The following FBLN2 variants were observed in gnomAD, a reference collection of about 807,000 sequenced individuals.
FBLN2 encodes fibulin 2.
Under a neutral mutation model 123.7 loss-of-function variants are expected in FBLN2, and 81 were observed. The observed-to-expected ratio is 0.65, with a 90% CI of 0.55 to 0.79. The LOEUF is 0.79. Among genes scored for constraint, FBLN2 ranks in the 30% least tolerant of loss-of-function variants. FBLN2 has a pLI of 0.00. For synonymous variants in FBLN2, 699 were observed against 701.4 expected (o/e 1.00, Z 0.05); for missense variants, 1,603 against 1,681.3 (o/e 0.95, Z 0.81).
At chr3:13,587,136 C>T (rs1704533366) in intron 2 of FBLN2, among the ~76,000 whole-genome samples, 1 of 135,496 alleles carries the variant, frequency 7.4e-6, no homozygotes. Context: ...CACAGCGAGA[C>T]TCCGTCTCAA....
Position 13,570,898 on chromosome 3 carries a change from C to T in FBLN2, c.543C>T (p.Phe181=), listed in dbSNP as rs555727680. 5 of 1,612,646 alleles carry T rather than the reference C, an allele frequency of 3.1e-6. No homozygotes were observed. In the African/African-American group the frequency reaches 6.7e-5, roughly 21 times the overall value. Residue 181 remains phenylalanine, a synonymous_variant, in exon 2 of 18, where the codon TTC becomes TTT. Coordinates refer to ENST00000404922, the MANE Select transcript of FBLN2 (RefSeq NM_001004019.2). ...AGCTCCCCGGTTGCCACGGGAACTT[C>T]TCAGATGCCGAGGAGGGTGACCCCG... The part of the protein sequence containing the change: ...CYQLPGCHGN[F]SDAEEGDPER...
chr3:13,568,546 T>C (rs13064439), intron 1 of FBLN2, among the ~76,000 whole-genome samples: 102,968 of 151,764 alleles, frequency 0.68, 35,459 homozygotes, highest in East Asian at 0.9. Context: ...CCCGTTGCTC[T>C]GCAGTTACCA....
chr3:13,565,766 G>T lies in FBLN2; in HGVS notation c.-41-4549G>T, dbSNP rs1052325471. Among the ~76,000 whole-genome samples, 8 of 152,320 alleles carry T rather than the reference G, an allele frequency of 5.3e-5. No individual in the cohort carries two copies. In the South Asian group the frequency reaches 1.2e-3, roughly 24 times the overall value. ...CACCTGCCAACCTTTCCTGTCCCCA[G>T]ATGGCAGCCCGGTGACCACCAGGGG... On this transcript the variant is annotated intron_variant, in intron 1 of 17. Transcript: ENST00000404922.
chr3:13,592,926 G>C (rs978743387), intron 2 of FBLN2, among the ~76,000 whole-genome samples: 1 of 152,186 alleles, frequency 6.6e-6, no homozygotes, highest in African/African-American at 2.4e-5. Context: ...GCTCAGCTGG[G>C]AGATAGCTGG....
intron 4 of FBLN2, among the ~76,000 whole-genome samples, chr3:13,611,868 C>T (rs1253848653): frequency 6.6e-6 from 1 of 152,286 alleles, no homozygotes; most frequent in East Asian, 1.9e-4. Flanking sequence ...TGTCTTTATT[C>T]TGGGAGGTCA....
At chr3:13,552,118 G>T (rs60834785) in intron 1 of FBLN2, among the ~76,000 whole-genome samples, 2,882 of 152,254 alleles carry the variant, frequency 0.019, 67 homozygotes, top group African/African-American at 0.051. Context: ...GGTGTGATGA[G>T]GAGCTGCTGG....
intron 13 of FBLN2, 45 bp downstream of exon 13, chr3:13,629,337 T>G (rs4684969): frequency 0.67 from 1,047,140 of 1,553,114 alleles, 357,537 homozygotes; most frequent in East Asian, 0.99. Flanking sequence ...ACCTGGCTGG[T>G]CCCCTGCCCT....
rs141733462 is a variant in FBLN2 at position 13,583,060 on chromosome 3, G to A, written c.1306+11399G>A. Among the ~76,000 whole-genome samples, 227 of 152,300 alleles carry A rather than the reference G, an allele frequency of 1.5e-3. 3 individuals carry two copies. The highest frequency in any genetic ancestry group is 1.9e-3 in the Non-Finnish European group (132 of 68,012). ...CCCTCCCATGCTGCACTCTTGTTTC[G>A]GCCCCTGCCAACTGCGTCAGCAAAC... is the stretch of plus-strand genomic sequence containing the variant. On this transcript the variant is annotated intron_variant, in intron 2 of 17. Coordinates refer to ENST00000404922, the MANE Select transcript of FBLN2 (RefSeq NM_001004019.2).
intron 1 of FBLN2, among the ~76,000 whole-genome samples, chr3:13,554,654 T>C (rs148879631): frequency 6.7e-6 from 1 of 150,176 alleles, no homozygotes; most frequent in Non-Finnish European, 1.5e-5. Context: ...TCATCTCTGC[T>C]CCCCTGCATG....
At chr3:13,595,009 C>T (rs193115479) in intron 2 of FBLN2, among the ~76,000 whole-genome samples, 2 of 152,316 alleles carry the variant, frequency 1.3e-5, no homozygotes, top group South Asian at 2.1e-4. Flanking sequence ...GCGGCTGCCC[C>T]GGCTGGGTGT....
chr3:13,555,093 C>T (rs1459093430), intron 1 of FBLN2, among the ~76,000 whole-genome samples: 1 of 151,916 alleles, frequency 6.6e-6, no homozygotes, highest in Non-Finnish European at 1.5e-5. Flanking sequence ...GCTGGGACTA[C>T]AGGTGCGTGC....
At chr3:13,607,341 G>A (rs6773032) in intron 2 of FBLN2, among the ~76,000 whole-genome samples, 88,426 of 151,936 alleles carry the variant, frequency 0.58, 26,357 homozygotes, top group African/African-American at 0.71. Context: ...TAAGAAAATC[G>A]TAAGAGAAAA....
intron 2 of FBLN2, among the ~76,000 whole-genome samples, chr3:13,586,553 A>G (rs1704509185): frequency 6.8e-6 from 1 of 147,172 alleles, no homozygotes; most frequent in Non-Finnish European, 1.5e-5. Flanking sequence ...GCTGGAGTGC[A>G]GTGGCGTGAT....
intron 2 of FBLN2, among the ~76,000 whole-genome samples, chr3:13,595,416 G>A (rs1414389342): frequency 2.0e-5 from 3 of 152,118 alleles, no homozygotes; most frequent in Non-Finnish European, 2.9e-5. Flanking sequence ...CTGTGATCCC[G>A]GGGAGGAAGG....
chr3:13,616,868 T>C (rs1705625912), intron 5 of FBLN2, among the ~76,000 whole-genome samples: 1 of 152,196 alleles, frequency 6.6e-6, no homozygotes, highest in Admixed American at 6.5e-5. Context: ...GGCCTAGTGC[T>C]GCCCAAGTTG....
rs559168695 is a variant in FBLN2, at chr3:13,638,075, G to A, written c.*156G>A. 393 of 731,620 alleles carry A rather than the reference G, an allele frequency of 5.4e-4. No individual in the cohort carries two copies. Among genetic ancestry groups the A allele is most frequent in the Non-Finnish European group, 7.7e-4 (341 of 443,330 alleles). The allele number at this position is 731,620 out of a possible 1,614,324, so 45.3% of individuals were successfully genotyped here. On this transcript the variant is annotated 3_prime_UTR_variant, in exon 18 of 18. Coordinates refer to ENST00000404922, the MANE Select transcript of FBLN2 (RefSeq NM_001004019.2). The stretch of plus-strand genomic sequence containing the variant: ...GGCTTCTGGACCCCTCCTCTGCCCC[G>A]CAGGAGGAAGTTCCACGGCAGGTGG...
Position 13,571,364 on chromosome 3 carries a change from G to A in FBLN2, c.1009G>A (p.Glu337Lys). The A allele has an allele frequency of 6.2e-7, 1 of 1,612,498 alleles. No individual in the cohort carries two copies. The highest frequency in any genetic ancestry group is 1.1e-5 in the South Asian group (1 of 90,604). Residue 337 changes from glutamate (E) to lysine (K), a missense_variant, in exon 2 of 18, where the codon GAA (glutamate) becomes AAA (lysine). Transcript: ENST00000404922. ...GARAEAGARP[E>K]ENLILDAQAT... ...AAGGGCAGAAGCTGGGGCAAGGCCT[G>A]AAGAGAACCTCATCCTGGATGCCCA... is the stretch of plus-strand genomic sequence containing the variant.
rs753101160 is a variant in FBLN2, at chr3:13,608,150, T to A, written c.1395T>A (p.Ser465Arg). The A allele has an allele frequency of 1.9e-6, 3 of 1,593,276 alleles. No homozygotes were observed. The highest frequency in any genetic ancestry group is 1.7e-6 in the Non-Finnish European group (2 of 1,170,118). Residue 465 changes from serine (S) to arginine (R), a missense_variant, in exon 3 of 18, where the codon AGT becomes AGA. Transcript: ENST00000404922. ...DNDECLEIPE[S>R]GTEDNVCRTA... ...ACGAGTGCCTGGAGATCCCTGAGAG[T>A]GGCACTGAGGACAACGTCTGCAGGT... is the stretch of plus-strand genomic sequence containing the variant.
chr3:13,586,427 C>T (rs2124848439), intron 2 of FBLN2, among the ~76,000 whole-genome samples: 1 of 151,780 alleles, frequency 6.6e-6, no homozygotes, highest in Non-Finnish European at 1.5e-5. Context: ...TCGTGATCCG[C>T]CTGCCTAGGC....
Sources: allele counts gnomAD v4.1 joint callset (sites outside exome capture counted in the v4.1 genomes callset), GRCh38; gene constraint gnomAD v4.1.1; transcripts MANE v1.5; gene names NCBI Gene and HGNC (gene_info 2026-07-23, HGNC 2026-07-21).